Variants in CACNA2D3 observed in about 807,000 individuals in gnomAD.
CACNA2D3 encodes the protein calcium voltage-gated channel auxiliary subunit alpha2delta 3.
CACNA2D3 carries 60 observed loss-of-function variants against 160.6 expected under a neutral mutation model. The observed-to-expected ratio is 0.37, with a 90% CI of 0.30 to 0.46. CACNA2D3 has a LOEUF of 0.46. Ranked by LOEUF, CACNA2D3 falls within the 20% of genes least tolerant of loss-of-function variation. CACNA2D3 has a pLI of 1.00. For synonymous variants in CACNA2D3, 558 were observed against 492.9 expected, an observed-to-expected ratio of 1.13 and a Z score of -1.75; for missense variants, 1,205 against 1,365.0, an observed-to-expected ratio of 0.88 and a Z score of 1.85.
At chr3:54,544,686 C>T (rs1400462575) in intron 5 of CACNA2D3, among the ~76,000 whole-genome samples, 3 of 152,188 alleles carry the variant, frequency 2.0e-5, no homozygotes, top group Non-Finnish European at 2.9e-5. Context: ...GCATGAGCCA[C>T]CATGCCTGAC....
chr3:54,894,506 G>C, intron 25 of CACNA2D3: 1 of 459,480 alleles, frequency 2.2e-6, no homozygotes, highest in Non-Finnish European at 4.4e-6. Flanking sequence ...TTCTAACCAA[G>C]CCACCATCTC....
chr3:54,187,302 C>T (rs962675102), intron 2 of CACNA2D3, among the ~76,000 whole-genome samples: 4 of 152,178 alleles, frequency 2.6e-5, no homozygotes, highest in Admixed American at 6.5e-5. Flanking sequence ...TGAATACCAC[C>T]AAGTCTGTCT....
chr3:54,524,910 G>A (rs1701701140), intron 5 of CACNA2D3, among the ~76,000 whole-genome samples: 4 of 151,926 alleles, frequency 2.6e-5, no homozygotes. Context: ...TTCTCTTATA[G>A]ATAACATGTA....
At chr3:54,728,739 T>C (rs181126711) in intron 11 of CACNA2D3, among the ~76,000 whole-genome samples, 4 of 152,352 alleles carry the variant, frequency 2.6e-5, no homozygotes, top group African/African-American at 9.6e-5. Context: ...TGTTTATTTA[T>C]AATTTGTCCT....
At chr3:54,582,007 A>G (rs1320875041) in intron 9 of CACNA2D3, 130 bp downstream of exon 9, 1 of 651,740 alleles carries the variant, frequency 1.5e-6, no homozygotes, top group Non-Finnish European at 2.6e-6. Context: ...CCCCATGTGT[A>G]GAATATTTAT....
chr3:54,147,640 TG>T (rs1285218231), intron 2 of CACNA2D3, among the ~76,000 whole-genome samples: 1 of 152,214 alleles, frequency 6.6e-6, no homozygotes, highest in African/African-American at 2.4e-5. Context: ...CCCTGTACAA[TG>T]GGGATGCTTG....
chr3:54,163,808 G>A (rs147803842), intron 2 of CACNA2D3, among the ~76,000 whole-genome samples: 120 of 152,294 alleles, frequency 7.9e-4, no homozygotes, highest in African/African-American at 2.7e-3. Context: ...ATGCGGAGGC[G>A]TCAATGCATC....
intron 35 of CACNA2D3, among the ~76,000 whole-genome samples, chr3:55,029,047 A>G (rs926660403): frequency 2.0e-5 from 3 of 152,148 alleles, no homozygotes; most frequent in Admixed American, 1.3e-4. Flanking sequence ...AACAACTCCA[A>G]TTTCCTGTTG....
At chr3:55,008,567 G>A (rs1487976446) in intron 33 of CACNA2D3, among the ~76,000 whole-genome samples, 2 of 152,164 alleles carry the variant, frequency 1.3e-5, no homozygotes, top group Non-Finnish European at 2.9e-5. Context: ...TTGATGGATA[G>A]TCACTGTCCT....
intron 27 of CACNA2D3, chr3:54,918,332 CTTTTTTTTTT>C (rs533596688): frequency 1.4e-4 from 33 of 227,970 alleles, no homozygotes; most frequent in East Asian, 2.1e-4. Context: ...TTTTTTTTTT[CTTTTTTTTTT>C]TTTTTTTTTT....
chr3:54,200,526 G>A (rs1260953480), intron 2 of CACNA2D3, among the ~76,000 whole-genome samples: 1 of 152,204 alleles, frequency 6.6e-6, no homozygotes, highest in Non-Finnish European at 1.5e-5. Flanking sequence ...AATACACCGA[G>A]TGCCTCCTAA....
chr3:54,318,852 T>A (rs1452103040), intron 2 of CACNA2D3, among the ~76,000 whole-genome samples: 1 of 151,826 alleles, frequency 6.6e-6, no homozygotes, highest in Non-Finnish European at 1.5e-5. Flanking sequence ...TGCCACCATA[T>A]CTGATTAATT....
At chr3:54,357,825 C>G (rs934984677) in intron 3 of CACNA2D3, among the ~76,000 whole-genome samples, 7 of 152,214 alleles carry the variant, frequency 4.6e-5, no homozygotes, top group African/African-American at 1.7e-4. Flanking sequence ...GAAAAGTCTA[C>G]ATGCTGCATG....
At chr3:54,995,396 C>G (rs930371215) in intron 31 of CACNA2D3, among the ~76,000 whole-genome samples, 1 of 152,130 alleles carries the variant, frequency 6.6e-6, no homozygotes, top group Non-Finnish European at 1.5e-5. Context: ...CTTTTTTCAT[C>G]TCTTATGGTA....
rs1354213747 is a variant in CACNA2D3, at chr3:55,021,643, ATGTGTATATATATATGTG to A, written c.2987+3346_2987+3363del. Among the ~76,000 whole-genome samples, 2 of 122,632 alleles carry A rather than the reference ATGTGTATATATATATGTG, an allele frequency of 1.6e-5. 1 individual carries two copies. The highest frequency in any genetic ancestry group is 8.0e-3 in the Middle Eastern group (2 of 250). The allele number at this position is 122,632 out of a possible 152,430, so 80.5% of individuals were successfully genotyped here. A position where few individuals can be genotyped will look rare whatever the true frequency, so the allele number is the denominator to read the frequency against. On this transcript the variant is annotated intron_variant, in intron 35 of 37. Transcript: ENST00000474759. The stretch of plus-strand genomic sequence containing the variant: ...TGTGTGTGTATATATATATATATAT[ATGTGTATATATATATGTG>A]TGTGTATATATATATGTGTATATAT...
intron 17 of CACNA2D3, among the ~76,000 whole-genome samples, chr3:54,859,520 C>G (rs2106797273): frequency 6.6e-6 from 1 of 152,324 alleles, no homozygotes; most frequent in South Asian, 2.1e-4. Flanking sequence ...AACTTCTTCT[C>G]AGCCTCACTT....
At chr3:54,309,024 ATTTC>A (rs960256384) in intron 2 of CACNA2D3, among the ~76,000 whole-genome samples, 5 of 152,226 alleles carry the variant, frequency 3.3e-5, no homozygotes, top group Non-Finnish European at 5.9e-5. Flanking sequence ...ACAAAGAGAT[ATTTC>A]TTCTCTAGCA....
intron 3 of CACNA2D3, among the ~76,000 whole-genome samples, chr3:54,385,197 T>A (rs1347608018): frequency 6.6e-6 from 1 of 152,174 alleles, no homozygotes. Context: ...GGTCCTCACC[T>A]CCAGAACTTT....
intron 5 of CACNA2D3, among the ~76,000 whole-genome samples, chr3:54,526,164 G>T (rs1257664422): frequency 1.3e-5 from 2 of 151,400 alleles, no homozygotes; most frequent in Non-Finnish European, 2.9e-5. Flanking sequence ...ATTTCCATTT[G>T]GTTCTTTTTA....
Sources: allele counts gnomAD v4.1 joint callset (sites outside exome capture counted in the v4.1 genomes callset), GRCh38; gene constraint gnomAD v4.1.1; transcripts MANE v1.5; gene names NCBI Gene and HGNC (gene_info 2026-07-23, HGNC 2026-07-21).